The following CD300LF variants were observed in gnomAD, a reference collection of about 807,000 sequenced individuals.
The protein encoded by CD300LF is CMRF35-like molecule 1.
CD300LF carries 27 observed loss-of-function variants against 32.2 expected under a neutral mutation model. The observed-to-expected ratio is 0.84, with a 90% CI of 0.62 to 1.15. The LOEUF is 1.15. CD300LF is among the 50% of genes most tolerant of loss of function. The probability of loss-of-function intolerance (pLI) is 0.00; values close to 1 mark genes in which losing one functional copy is unlikely to be tolerated. For synonymous variants in CD300LF, 139 were observed against 143.2 expected (o/e 0.97, Z 0.21); for missense variants, 348 against 356.8 (o/e 0.98, Z 0.20).
chr17:74,702,715 C>T (rs781262193), intron 3 of CD300LF, among the ~76,000 whole-genome samples: 2 of 152,220 alleles, frequency 1.3e-5, no homozygotes, highest in African/African-American at 4.8e-5. Context: ...CCACACTGAG[C>T]TCCACGGGGA....
In CD300LF at chr17:74,712,745, C is replaced by T. The variant is rs373467251; in HGVS notation, c.43+79G>A. On this transcript the variant is annotated intron_variant, in intron 1 of 6. Transcript: ENST00000326165. The stretch of plus-strand genomic sequence containing the variant: ...CATGCCATTAAGGACACCTTCTGGC[C>T]GGGTCCCTTCTTCCCTCTCTCAGCC... 1.9e-5 allele frequency: 28 copies of T among 1,466,518 alleles called. 1 individual carries two copies. The highest frequency in any genetic ancestry group is 1.6e-4 in the South Asian group (14 of 87,750). The allele number at this position is 1,466,518 out of a possible 1,614,324, so 90.8% of individuals were successfully genotyped here.
chr17:74,700,341 G>A (rs563381856), intron 3 of CD300LF, among the ~76,000 whole-genome samples: 1 of 152,004 alleles, frequency 6.6e-6, no homozygotes, highest in Admixed American at 6.5e-5. Flanking sequence ...AATATTCCAG[G>A]CACATCCCCA....
intron 1 of CD300LF, chr17:74,705,403 C>T: frequency 3.8e-6 from 2 of 526,170 alleles, no homozygotes; most frequent in South Asian, 2.7e-5. Flanking sequence ...AACACAGATC[C>T]CACTTTCTTT....
At position 74,705,217 on chromosome 17, in the gene CD300LF, A is replaced by G. The variant is rs61738885; in HGVS notation, c.44-401T>C. On this transcript the variant is annotated intron_variant, in intron 1 of 6. Coordinates refer to ENST00000326165, the MANE Select transcript of CD300LF (RefSeq NM_139018.5). ...ACAGGGTCTTACCTTGACTCTTAGC[A>G]CTGATGACCCTCATGAGGTCGAGCT... is the stretch of plus-strand genomic sequence containing the variant. 1.5e-3 allele frequency: 1,062 copies of G among 702,394 alleles called. 10 individuals carry two copies. The African/African-American group carries it at 0.017, about 11-fold the overall frequency. The allele number at this position is 702,394 out of a possible 1,614,324, so 43.5% of individuals were successfully genotyped here.
At chr17:74,708,844 G>A (rs563911830) in intron 1 of CD300LF, among the ~76,000 whole-genome samples, 367 of 151,128 alleles carry the variant, frequency 2.4e-3, no homozygotes, top group African/African-American at 7.9e-3. Context: ...GAACCCGGGG[G>A]GGCGGAGCTT....
At chr17:74,696,291 G>A (rs1269919646) in intron 4 of CD300LF, 74 bp from the exon 5 acceptor site, 6 of 1,473,190 alleles carry the variant, frequency 4.1e-6, no homozygotes, top group Non-Finnish European at 5.5e-6. Context: ...GTCTAGGGAA[G>A]AGAAATATGG....
At chr17:74,709,416 C>CA (rs1281310661) in intron 1 of CD300LF, among the ~76,000 whole-genome samples, 3 of 152,160 alleles carry the variant, frequency 2.0e-5, no homozygotes, top group African/African-American at 7.2e-5. Context: ...TCAAAAACCT[C>CA]AGCAAGCACC....
chr17:74,703,268 AG>A, intron 2 of CD300LF, 170 bp from the exon 3 acceptor site: 2 of 686,588 alleles, frequency 2.9e-6, no homozygotes, highest in Admixed American at 2.7e-5. Flanking sequence ...AAGGGGCTGC[AG>A]CCTGGACCAC....
intron 1 of CD300LF, among the ~76,000 whole-genome samples, chr17:74,705,663 T>C (rs1232313219): frequency 6.6e-6 from 1 of 152,124 alleles, no homozygotes; most frequent in Non-Finnish European, 1.5e-5. Context: ...GGCTCAATCA[T>C]GGCTCACTGA....
Position 74,694,802 on chromosome 17 carries a change from AATG to A in CD300LF, c.*291_*293del, listed in dbSNP as rs2032273463. ...TACGATAATGGTACTTCATGATAAT[AATG>A]ATAACATTTTTCTCATTATCATCTT... On this transcript the variant is annotated 3_prime_UTR_variant, in exon 7 of 7. Coordinates refer to ENST00000326165, the MANE Select transcript of CD300LF (RefSeq NM_139018.5). The A allele has an allele frequency of 3.5e-6, 1 of 284,312 alleles. No homozygotes were observed. 17.6% of individuals were successfully genotyped at this position (284,312 alleles called of 1,614,324 possible). A position where few individuals can be genotyped will look rare whatever the true frequency, so the allele number is the denominator to read the frequency against.
chr17:74,706,613 A>T (rs552426105), intron 1 of CD300LF, among the ~76,000 whole-genome samples: 1 of 152,268 alleles, frequency 6.6e-6, no homozygotes, highest in South Asian at 2.1e-4. Context: ...GGTTGCAATG[A>T]GCCAAGATGG....
chr17:74,702,986 T>C (rs773496412), intron 3 of CD300LF, 49 bp downstream of exon 3: 1 of 1,431,730 alleles, frequency 7.0e-7, no homozygotes, highest in South Asian at 1.1e-5. Context: ...AGTTCTCCAT[T>C]GGAGGAGTTT....
chr17:74,709,949 A>T (rs1321021165), intron 1 of CD300LF, among the ~76,000 whole-genome samples: 1 of 151,990 alleles, frequency 6.6e-6, no homozygotes, highest in Non-Finnish European at 1.5e-5. Context: ...TTCCCAATAT[A>T]TATAATAACA....
rs773267580 is a variant in CD300LF, at chr17:74,704,475, T to TA, written c.382+2dup. On this transcript the variant is annotated splice_region_variant and intron_variant, in intron 2 of 6. Transcript: ENST00000326165. ...ACACACACATATATACACTCCCTCT[T>TA]ACCTGGGTCAATGGTCACTTGAACT... 3.7e-6 allele frequency: 6 copies of TA among 1,605,360 alleles called. No homozygotes were observed. The African/African-American group carries it at 8.0e-5, about 21-fold the overall frequency.
At chr17:74,697,387 G>C (rs762106821) in intron 4 of CD300LF, among the ~76,000 whole-genome samples, 4 of 152,196 alleles carry the variant, frequency 2.6e-5, no homozygotes, top group Admixed American at 6.5e-5. Context: ...GGTTTCAAAA[G>C]TCTAGATGCT....
At chr17:74,705,609 G>A (rs922321835) in intron 1 of CD300LF, among the ~76,000 whole-genome samples, 1 of 151,466 alleles carries the variant, frequency 6.6e-6, no homozygotes, top group Non-Finnish European at 1.5e-5. Context: ...TTTGAAACAG[G>A]CTCTCACTCT....
chr17:74,709,526 A>G (rs1261720330), intron 1 of CD300LF, among the ~76,000 whole-genome samples: 1 of 152,178 alleles, frequency 6.6e-6, no homozygotes, highest in Non-Finnish European at 1.5e-5. Flanking sequence ...TCCACAATTA[A>G]AAAGACTTTT....
At chr17:74,701,977 G>C (rs1044456287) in intron 3 of CD300LF, among the ~76,000 whole-genome samples, 4 of 151,606 alleles carry the variant, frequency 2.6e-5, no homozygotes, top group Admixed American at 6.6e-5. Context: ...AGCCAAGATG[G>C]CACCATGCAC....
chr17:74,708,713 G>A (rs1048517776), intron 1 of CD300LF, among the ~76,000 whole-genome samples: 3 of 152,130 alleles, frequency 2.0e-5, no homozygotes, highest in Non-Finnish European at 2.9e-5. Flanking sequence ...TGAGGAGATC[G>A]AGACCATCCT....
Sources: allele counts gnomAD v4.1 joint callset (sites outside exome capture counted in the v4.1 genomes callset), GRCh38; gene constraint gnomAD v4.1.1; transcripts MANE v1.5; gene names NCBI Gene and HGNC (gene_info 2026-07-23, HGNC 2026-07-21).